The following CADPS2 variants were observed in gnomAD, a reference collection of about 807,000 sequenced individuals.
CADPS2 encodes calcium dependent secretion activator 2.
CADPS2 carries 93 observed loss-of-function variants against 172.5 expected under a neutral mutation model. That is an observed-to-expected ratio of 0.54 (90% CI 0.46 to 0.64). The LOEUF (loss-of-function observed/expected upper bound fraction) is 0.64, where lower values mean the gene tolerates loss of function less well. Among genes scored for constraint, CADPS2 ranks in the 30% least tolerant of loss-of-function variants. The probability of loss-of-function intolerance (pLI) is 0.00; values close to 1 mark genes in which losing one functional copy is unlikely to be tolerated. For synonymous variants in CADPS2, 546 were observed against 555.2 expected (o/e 0.98, Z 0.23); for missense variants, 1,420 against 1,565.9 (o/e 0.91, Z 1.57).
At chr7:122,793,514 TG>T (rs1410529851) in intron 1 of CADPS2, among the ~76,000 whole-genome samples, 1 of 152,226 alleles carries the variant, frequency 6.6e-6, no homozygotes. Flanking sequence ...TTTGAGCTTA[TG>T]TGTGTCACTG....
chr7:122,444,583 TC>T (rs2051883564), intron 15 of CADPS2, among the ~76,000 whole-genome samples: 3 of 152,182 alleles, frequency 2.0e-5, no homozygotes, highest in Admixed American at 1.3e-4. Context: ...TGAGCATCTT[TC>T]CATATGCCTT....
At chr7:122,779,805 C>G (rs1356983908) in intron 1 of CADPS2, among the ~76,000 whole-genome samples, 2 of 152,182 alleles carry the variant, frequency 1.3e-5, no homozygotes, top group Admixed American at 6.5e-5. Context: ...TGTCCTCCCC[C>G]TCTCCCTATC....
At chr7:122,485,596 CT>C (rs1301675562) in intron 11 of CADPS2, among the ~76,000 whole-genome samples, 4 of 152,160 alleles carry the variant, frequency 2.6e-5, no homozygotes, top group Admixed American at 6.5e-5. Context: ...AAGAAGCCAT[CT>C]CTATTACATA....
rs578249230 is a variant in CADPS2 at position 122,801,814 on chromosome 7, C to A, written c.340-64746G>T. The stretch of plus-strand genomic sequence containing the variant: ...CTGGAGACATGGTCTCACTATATAC[C>A]CCAGGCTCTATCAATCCAACCAACT... On this transcript the variant is annotated intron_variant, in intron 1 of 29. Transcript: ENST00000449022. 6.6e-5 allele frequency among the ~76,000 whole-genome samples: 10 copies of A among 151,002 alleles called. No individual in the cohort carries two copies. In the South Asian group the frequency reaches 2.1e-3, roughly 32 times the overall value.
At chr7:122,324,214 T>C (rs995659599) in intron 29 of CADPS2, among the ~76,000 whole-genome samples, 5 of 152,158 alleles carry the variant, frequency 3.3e-5, no homozygotes, top group African/African-American at 1.2e-4. Flanking sequence ...TGTGGCATTT[T>C]AGGTCTGGTT....
chr7:122,406,379 G>A (rs758848493), intron 20 of CADPS2, among the ~76,000 whole-genome samples: 6 of 152,322 alleles, frequency 3.9e-5, no homozygotes, highest in Middle Eastern at 3.4e-3. Flanking sequence ...CATATAAAAC[G>A]TTCTAAATAA....
chr7:122,670,563 T>G (rs971915321), intron 2 of CADPS2, among the ~76,000 whole-genome samples: 33 of 151,148 alleles, frequency 2.2e-4, no homozygotes, highest in African/African-American at 7.0e-4. Flanking sequence ...AGTGGCAACA[T>G]CTCAGCTCAC....
At chr7:122,337,949 C>T (rs2036141912) in intron 28 of CADPS2, among the ~76,000 whole-genome samples, 1 of 152,154 alleles carries the variant, frequency 6.6e-6, no homozygotes, top group Non-Finnish European at 1.5e-5. Context: ...AGCTGGAAAA[C>T]AATGTGTTAA....
chr7:122,530,124 T>C (rs1339064654), intron 8 of CADPS2, among the ~76,000 whole-genome samples: 1 of 152,066 alleles, frequency 6.6e-6, no homozygotes, highest in Non-Finnish European at 1.5e-5. Flanking sequence ...AAGGTAAAGA[T>C]AAATTACCAT....
rs1451061314 is a variant in CADPS2, at chr7:122,432,668, AAG to A, written c.2476+5671_2476+5672del. On this transcript the variant is annotated intron_variant, in intron 17 of 29. Coordinates refer to ENST00000449022, the MANE Select transcript of CADPS2 (RefSeq NM_017954.11). ...TAAAAAAAAAAAAAAAAAAGAAAAA[AAG>A]AAAAGAAAACCTCTGGGACACATAG... Among the ~76,000 whole-genome samples the A allele has an allele frequency of 3.5e-3, 532 of 151,298 alleles. 5 individuals carry two copies. Among genetic ancestry groups the A allele is most frequent in the African/African-American group, 0.012 (502 of 41,296 alleles).
intron 14 of CADPS2, among the ~76,000 whole-genome samples, chr7:122,466,268 G>T (rs2055126590): frequency 6.6e-6 from 1 of 152,190 alleles, no homozygotes; most frequent in African/African-American, 2.4e-5. Context: ...TGCACAGTTT[G>T]AATGGAAGGT....
At chr7:122,660,975 A>T (rs567289717) in intron 3 of CADPS2, among the ~76,000 whole-genome samples, 161 of 152,304 alleles carry the variant, frequency 1.1e-3, no homozygotes, top group African/African-American at 3.7e-3. Flanking sequence ...TTTAAAAATA[A>T]AGACTTATGT....
At chr7:122,576,159 G>GT (rs1348656411) in intron 7 of CADPS2, among the ~76,000 whole-genome samples, 1 of 152,118 alleles carries the variant, frequency 6.6e-6, no homozygotes, top group African/African-American at 2.4e-5. Context: ...GTCTGGAAGA[G>GT]TACTGGCCAA....
chr7:122,852,030 C>CTAGTAAGCG (rs1813800786), intron 1 of CADPS2, among the ~76,000 whole-genome samples: 1 of 152,204 alleles, frequency 6.6e-6, no homozygotes, highest in African/African-American at 2.4e-5. Context: ...GGTCAAACAG[C>CTAGTAAGCG]TAGTAAGCGG....
chr7:122,380,569 T>TC (rs2042881232), intron 24 of CADPS2, among the ~76,000 whole-genome samples: 1 of 151,930 alleles, frequency 6.6e-6, no homozygotes, highest in African/African-American at 2.4e-5. Flanking sequence ...TCCACCCCTC[T>TC]CCCCAAGGGT....
intron 1 of CADPS2, among the ~76,000 whole-genome samples, chr7:122,879,943 T>TA (rs1175668335): frequency 1.3e-5 from 2 of 152,158 alleles, no homozygotes; most frequent in African/African-American, 4.8e-5. Context: ...TAGCAGAACT[T>TA]AAACAAGTCA....
At chr7:122,543,784 A>G (rs969993142) in intron 8 of CADPS2, among the ~76,000 whole-genome samples, 5 of 152,178 alleles carry the variant, frequency 3.3e-5, no homozygotes, top group Admixed American at 1.3e-4. Context: ...ACCAATTATC[A>G]GACGATAATG....
chr7:122,538,662 G>C (rs1440070848), intron 8 of CADPS2, among the ~76,000 whole-genome samples: 1 of 136,846 alleles, frequency 7.3e-6, no homozygotes, highest in Non-Finnish European at 1.6e-5. Flanking sequence ...ACCAATTTTG[G>C]GTAAGGAGAT....
intron 1 of CADPS2, among the ~76,000 whole-genome samples, chr7:122,801,722 A>T (rs959387728): frequency 1.3e-5 from 2 of 152,128 alleles, no homozygotes; most frequent in South Asian, 4.1e-4. Flanking sequence ...TGAACAAATT[A>T]TATAACTACA....
Sources: allele counts gnomAD v4.1 joint callset (sites outside exome capture counted in the v4.1 genomes callset), GRCh38; gene constraint gnomAD v4.1.1; transcripts MANE v1.5; gene names NCBI Gene and HGNC (gene_info 2026-07-23, HGNC 2026-07-21).